The following EEF1AKMT2 variants were observed in gnomAD, a reference collection of about 807,000 sequenced individuals.
The protein encoded by EEF1AKMT2 is EEF1A lysine methyltransferase 2, also known as eukaryotic translation elongation factor 1 alpha lysine methyltransferase 2.
EEF1AKMT2 carries 32 observed loss-of-function variants against 35.8 expected under a neutral mutation model. The observed-to-expected ratio is 0.89, with a 90% CI of 0.67 to 1.20. The LOEUF (loss-of-function observed/expected upper bound fraction) is 1.20, where lower values mean the gene tolerates loss of function less well. EEF1AKMT2 is among the 50% of genes most tolerant of loss of function. The probability of loss-of-function intolerance (pLI) is 0.00; values close to 1 mark genes in which losing one functional copy is unlikely to be tolerated. For synonymous variants in EEF1AKMT2, 121 were observed against 133.7 expected (o/e 0.91, Z 0.65); for missense variants, 330 against 347.5 (o/e 0.95, Z 0.40).
Position 124,791,768 on chromosome 10 carries a change from G to A in EEF1AKMT2, c.66C>T (p.Pro22=), listed in dbSNP as rs1589797032. 6.3e-7 allele frequency: 1 copy of A among 1,596,110 alleles called. No individual in the cohort carries two copies. The highest frequency in any genetic ancestry group is 8.5e-7 in the Non-Finnish European group (1 of 1,175,502). ...AVAARSDKGS[P]GEDGFVPSAL... ...CCGACGGGACGAAACCGTCCTCCCC[G>A]GGACTGCCCTTGTCCGACCGCGCCG... Residue 22 remains proline, a synonymous_variant, in exon 1 of 7, where the codon CCC becomes CCT. Coordinates refer to ENST00000368836, the MANE Select transcript of EEF1AKMT2 (RefSeq NM_212554.4).
rs1950306942 is a variant in EEF1AKMT2 at position 124,758,780 on chromosome 10, TAAA to T, written c.*1720_*1722del. 1 of 152,184 alleles carries T rather than the reference TAAA, an allele frequency of 6.6e-6. No homozygotes were observed. The highest frequency in any genetic ancestry group is 2.1e-4 in the South Asian group (1 of 4,836). The allele number at this position is 152,184 out of a possible 1,614,324, so 9.4% of individuals were successfully genotyped here. ...AACAAAGACCCGATCTCAAAAACTA[TAAA>T]AGTTTCTACAGTTTAAGATCTCCTG... On this transcript the variant is annotated 3_prime_UTR_variant, in exon 7 of 7. Coordinates refer to ENST00000368836, the MANE Select transcript of EEF1AKMT2 (RefSeq NM_212554.4).
chr10:124,787,012 C>A (rs56370899), intron 3 of EEF1AKMT2, among the ~76,000 whole-genome samples: 3 of 149,874 alleles, frequency 2.0e-5, no homozygotes, highest in Non-Finnish European at 4.4e-5. Context: ...CCAGGCTGAT[C>A]TCCGCTCACT....
At chr10:124,760,561 T>A in intron 6 of EEF1AKMT2, 58 bp from the exon 7 acceptor site, 7 of 1,289,346 alleles carry the variant, frequency 5.4e-6, no homozygotes, top group South Asian at 1.2e-5. Flanking sequence ...TTACATGTAT[T>A]TATATGCATG....
chr10:124,769,860 C>G (rs1019540787), intron 4 of EEF1AKMT2, among the ~76,000 whole-genome samples: 11 of 138,036 alleles, frequency 8.0e-5, no homozygotes, highest in African/African-American at 2.8e-4. Context: ...GCAGGAGAAT[C>G]GCTTGAAACC....
chr10:124,789,898 A>ATT lies in EEF1AKMT2; in HGVS notation c.176+373_176+374dup, dbSNP rs11443011. ...TGGGTATAAGCACTTGAATATATGC[A>ATT]TTTTTTTTTTTGAGATGGAGTCTCA... On this transcript the variant is annotated intron_variant, in intron 2 of 6. Coordinates refer to ENST00000368836, the MANE Select transcript of EEF1AKMT2 (RefSeq NM_212554.4). Among the ~76,000 whole-genome samples, 973 of 148,298 alleles carry ATT rather than the reference A, an allele frequency of 6.6e-3. 9 individuals are homozygous for ATT. The highest frequency in any genetic ancestry group is 0.01 in the Middle Eastern group (3 of 288).
intron 4 of EEF1AKMT2, among the ~76,000 whole-genome samples, chr10:124,771,559 T>A (rs1359673129): frequency 6.6e-6 from 1 of 152,010 alleles, no homozygotes; most frequent in African/African-American, 2.4e-5. Context: ...ACAGATCCTG[T>A]GTTAACAGGC....
chr10:124,766,239 C>G (rs923791854), intron 4 of EEF1AKMT2: 1 of 151,986 alleles, frequency 6.6e-6, no homozygotes, highest in Non-Finnish European at 1.5e-5. Flanking sequence ...TCGATCAAAA[C>G]CAGTTACAAA....
intron 3 of EEF1AKMT2, among the ~76,000 whole-genome samples, chr10:124,785,756 C>CGT (rs1950578771): frequency 6.6e-6 from 1 of 151,932 alleles, no homozygotes; most frequent in South Asian, 2.1e-4. Context: ...ATTAGCCAGG[C>CGT]GTGCTGGCGC....
At chr10:124,777,215 G>A (rs181075835) in intron 3 of EEF1AKMT2, among the ~76,000 whole-genome samples, 107 of 149,694 alleles carry the variant, frequency 7.1e-4, no homozygotes, top group Non-Finnish European at 1.2e-3. Context: ...GGAGGTGGAG[G>A]TTATAGTGAG....
chr10:124,790,439 T>C (rs1950624596), intron 1 of EEF1AKMT2, 101 bp from the exon 2 acceptor site: 1 of 825,330 alleles, frequency 1.2e-6, no homozygotes, highest in African/African-American at 1.7e-5. Context: ...ATGACAGAGG[T>C]TTAAACATCA....
intron 3 of EEF1AKMT2, among the ~76,000 whole-genome samples, chr10:124,776,044 A>G (rs994387264): frequency 1.3e-5 from 2 of 151,944 alleles, no homozygotes; most frequent in African/African-American, 4.8e-5. Context: ...CAGCCTCCCA[A>G]GTAGCTGGGA....
chr10:124,773,224 C>A (rs1950454609), intron 4 of EEF1AKMT2, among the ~76,000 whole-genome samples: 1 of 152,078 alleles, frequency 6.6e-6, no homozygotes, highest in Admixed American at 6.6e-5. Context: ...TTTTGAGACG[C>A]AGTCTCCCCG....
Position 124,759,493 on chromosome 10 carries a change from TCTCCAG to T in EEF1AKMT2, c.*1004_*1009del. On this transcript the variant is annotated 3_prime_UTR_variant, in exon 7 of 7. Transcript: ENST00000368836. ...GAACTTTATATGTAATCATCATGGG[TCTCCAG>T]CTGTACTGTAAATGCTACAAAGGCA... is the stretch of plus-strand genomic sequence containing the variant. The T allele has an allele frequency of 6.6e-6, 1 of 152,268 alleles. No individual in the cohort carries two copies. The highest frequency in any genetic ancestry group is 6.5e-5 in the Admixed American group (1 of 15,300). 9.4% of individuals were successfully genotyped at this position (152,268 alleles called of 1,614,324 possible). A position where few individuals can be genotyped will look rare whatever the true frequency, so the allele number is the denominator to read the frequency against.
rs1003407886 is a variant in EEF1AKMT2 at position 124,758,162 on chromosome 10, G to C, written c.*2341C>G. 1.3e-5 allele frequency: 2 copies of C among 152,138 alleles called. No homozygotes were observed. Among genetic ancestry groups the C allele is most frequent in the African/African-American group, 4.8e-5 (2 of 41,436 alleles). The allele number at this position is 152,138 out of a possible 1,614,324, so 9.4% of individuals were successfully genotyped here. Reference sequence around the variant, plus strand: ...CAAAGTAAGCGTCTTTCGATTAAATGAAATCACAATTCCAGCTTCTTATCC... The same window carrying C: ...CAAAGTAAGCGTCTTTCGATTAAATCAAATCACAATTCCAGCTTCTTATCC... On this transcript the variant is annotated 3_prime_UTR_variant, in exon 7 of 7. Coordinates refer to ENST00000368836, the MANE Select transcript of EEF1AKMT2 (RefSeq NM_212554.4).
intron 3 of EEF1AKMT2, among the ~76,000 whole-genome samples, chr10:124,781,472 G>A (rs1326207051): frequency 4.0e-5 from 6 of 151,502 alleles, no homozygotes; most frequent in African/African-American, 9.7e-5. Flanking sequence ...CCAGCTACTC[G>A]GGAGGCTGAG....
In EEF1AKMT2 at chr10:124,788,710, T is replaced by TTTTA. The variant is rs1414544581; in HGVS notation, c.291+332_291+333insTAAA. Among the ~76,000 whole-genome samples, 101 of 92,580 alleles carry TTTTA rather than the reference T, an allele frequency of 1.1e-3. 7 individuals are homozygous for TTTTA. The highest frequency in any genetic ancestry group is 3.3e-3 in the African/African-American group (97 of 29,730). 60.7% of individuals were successfully genotyped at this position (92,580 alleles called of 152,430 possible). On this transcript the variant is annotated intron_variant, in intron 3 of 6. Coordinates refer to ENST00000368836, the MANE Select transcript of EEF1AKMT2 (RefSeq NM_212554.4). ...CTACTGGAATTGCAAAAGGTCATCTTTATATATATATATATATATGCATTT... is the reference window on the plus strand; with the variant it reads ...CTACTGGAATTGCAAAAGGTCATCTTTTTATATATATATATATATATATGCATTT...
At chr10:124,790,667 C>T (rs773488749) in intron 1 of EEF1AKMT2, among the ~76,000 whole-genome samples, 10 of 152,226 alleles carry the variant, frequency 6.6e-5, no homozygotes, top group Non-Finnish European at 1.0e-4. Flanking sequence ...ATGAAACAAG[C>T]ACATCTGGTC....
chr10:124,791,368 C>T (rs371200412), intron 1 of EEF1AKMT2, among the ~76,000 whole-genome samples: 1 of 151,982 alleles, frequency 6.6e-6, no homozygotes, highest in East Asian at 1.9e-4. Flanking sequence ...ACTTCTCCCT[C>T]GGTCTCTCAC....
At chr10:124,787,301 C>T (rs1370510331) in intron 3 of EEF1AKMT2, among the ~76,000 whole-genome samples, 1 of 151,630 alleles carries the variant, frequency 6.6e-6, no homozygotes, top group East Asian at 1.9e-4. Context: ...GGCATAATGG[C>T]GTGCGCCTGT....
Sources: allele counts gnomAD v4.1 joint callset (sites outside exome capture counted in the v4.1 genomes callset), GRCh38; gene constraint gnomAD v4.1.1; transcripts MANE v1.5; gene names NCBI Gene and HGNC (gene_info 2026-07-23, HGNC 2026-07-21).